Variants in TMC2 observed in about 807,000 individuals in gnomAD.
TMC2 encodes the protein transmembrane channel like 2.
In TMC2, 102 loss-of-function variants were observed where a neutral mutation model predicts 105.9. That is an observed-to-expected ratio of 0.96 (90% CI 0.82 to 1.14). The LOEUF is 1.14. Among genes scored for constraint, TMC2 ranks in the 50% most tolerant of loss-of-function variants. TMC2 has a pLI of 0.00. For missense variants in TMC2, 1,093 were observed against 1,134.3 expected (o/e 0.96, Z 0.52); for synonymous variants, 402 against 422.8 (o/e 0.95, Z 0.60).
intron 2 of TMC2, among the ~76,000 whole-genome samples, chr20:2,542,975 A>G (rs1034287385): frequency 2.6e-5 from 4 of 152,086 alleles, no homozygotes; most frequent in African/African-American, 4.8e-5. Context: ...GGTGGCACAC[A>G]CCTGTAATCC....
At chr20:2,536,966 G>T (rs1328024072) in intron 1 of TMC2, among the ~76,000 whole-genome samples, 1 of 152,172 alleles carries the variant, frequency 6.6e-6, no homozygotes, top group Non-Finnish European at 1.5e-5. Flanking sequence ...GCCTGCTGGG[G>T]CGTCTCAGCC....
At position 2,629,529 on chromosome 20, in the gene TMC2, T is replaced by TAAAAAAAAAAAA. The variant is rs56821075; in HGVS notation, c.2306+5140_2306+5151dup. On this transcript the variant is annotated intron_variant, in intron 17 of 19. Transcript: ENST00000358864. ...TCTAATTATTGATTTCTTACAGAAG[T>TAAAAAAAAAAAA]AAAAAAAAAAAAAAAAAAGTGACCT... Among the ~76,000 whole-genome samples the TAAAAAAAAAAAA allele has an allele frequency of 6.9e-5, 8 of 116,070 alleles. 1 individual carries two copies. The highest frequency in any genetic ancestry group is 1.0e-4 in the Non-Finnish European group (6 of 58,214). The allele number at this position is 116,070 out of a possible 152,430, so 76.1% of individuals were successfully genotyped here.
At chr20:2,563,846 C>T (rs1441189206) in intron 4 of TMC2, among the ~76,000 whole-genome samples, 1 of 152,172 alleles carries the variant, frequency 6.6e-6, no homozygotes, top group East Asian at 1.9e-4. Flanking sequence ...CCTGCCACAA[C>T]CTCTCCAGTG....
intron 17 of TMC2, among the ~76,000 whole-genome samples, chr20:2,624,811 G>T (rs2086552856): frequency 6.6e-6 from 1 of 152,132 alleles, no homozygotes; most frequent in African/African-American, 2.4e-5. Flanking sequence ...CTGAAAATTT[G>T]GGTGAGCCCT....
chr20:2,571,726 C>CAA lies in TMC2; in HGVS notation c.555-452_555-451insAA, dbSNP rs1312879566. 2.6e-5 allele frequency among the ~76,000 whole-genome samples: 4 copies of CAA among 152,310 alleles called. No individual in the cohort carries two copies. The East Asian group carries it at 7.7e-4, about 29-fold the overall frequency. ...TTTAAAATCAATAATCTTGGCCGGG[C>CAA]ATGGTGGTTCACACCTGTAATCCCA... On this transcript the variant is annotated intron_variant, in intron 4 of 19. Coordinates refer to ENST00000358864, the MANE Select transcript of TMC2 (RefSeq NM_080751.3).
chr20:2,584,933 C>A (rs1288045296), intron 7 of TMC2, among the ~76,000 whole-genome samples: 1 of 152,070 alleles, frequency 6.6e-6, no homozygotes, highest in East Asian at 1.9e-4. Flanking sequence ...ATTTCCATCG[C>A]CCCCTAAATT....
chr20:2,584,484 A>G (rs1227681709), intron 7 of TMC2, among the ~76,000 whole-genome samples: 2 of 151,796 alleles, frequency 1.3e-5, no homozygotes, highest in African/African-American at 4.8e-5. Context: ...GAATGAGCCT[A>G]CTTGCTCATC....
intron 6 of TMC2, among the ~76,000 whole-genome samples, chr20:2,579,469 T>C (rs750766695): frequency 6.6e-6 from 1 of 151,886 alleles, no homozygotes; most frequent in Non-Finnish European, 1.5e-5. Context: ...TTGCCCAGGC[T>C]GGAGTGCAGT....
At chr20:2,585,746 GTTTCTTACTACA>G (rs2086227477) in intron 7 of TMC2, among the ~76,000 whole-genome samples, 1 of 152,226 alleles carries the variant, frequency 6.6e-6, no homozygotes, top group Non-Finnish European at 1.5e-5. Context: ...AGAGACATCA[GTTTCTTACTACA>G]TGAGTTTTTC....
At chr20:2,562,611 C>G (rs1477465753) in intron 4 of TMC2, among the ~76,000 whole-genome samples, 7 of 152,216 alleles carry the variant, frequency 4.6e-5, no homozygotes, top group Non-Finnish European at 1.5e-5. Context: ...GGTTTCCATG[C>G]AAAAGGCTGA....
chr20:2,573,157 T>A (rs2086115298), intron 5 of TMC2, among the ~76,000 whole-genome samples: 1 of 152,164 alleles, frequency 6.6e-6, no homozygotes, highest in Admixed American at 6.5e-5. Context: ...TAAAAAAATG[T>A]CTTGGCTGTC....
intron 14 of TMC2, chr20:2,614,058 T>TG: frequency 6.6e-6 from 1 of 151,744 alleles, no homozygotes; most frequent in South Asian, 2.1e-4. Context: ...ACATTTTTTT[T>TG]CGTTCAGTCA....
intron 8 of TMC2, among the ~76,000 whole-genome samples, chr20:2,594,414 G>C (rs1351481675): frequency 6.6e-6 from 1 of 151,964 alleles, no homozygotes; most frequent in Non-Finnish European, 1.5e-5. Flanking sequence ...TTTTAGTAGA[G>C]ACAAGGTTTC....
intron 2 of TMC2, among the ~76,000 whole-genome samples, chr20:2,544,064 G>T: frequency 9.6e-6 from 1 of 104,160 alleles, no homozygotes; most frequent in African/African-American, 3.8e-5. Context: ...ACCATGCCTA[G>T]CTGATTTTTT....
chr20:2,586,345 T>C (rs2086232009), intron 7 of TMC2, among the ~76,000 whole-genome samples: 1 of 151,892 alleles, frequency 6.6e-6, no homozygotes, highest in Non-Finnish European at 1.5e-5. Context: ...AGGAGAAAAA[T>C]GGGAGGCACA....
chr20:2,606,833 T>C (rs987529112), intron 11 of TMC2, among the ~76,000 whole-genome samples: 1 of 150,924 alleles, frequency 6.6e-6, no homozygotes, highest in African/African-American at 2.4e-5. Context: ...TGTTTTGCAA[T>C]TGTGATTCTC....
At chr20:2,597,654 ATTTT>A (rs55869258) in intron 10 of TMC2, among the ~76,000 whole-genome samples, 30,318 of 145,156 alleles carry the variant, frequency 0.21, 3,191 homozygotes, top group South Asian at 0.3. Context: ...TGCCCAGCTA[ATTTT>A]TTTTTTTTTT....
chr20:2,539,476 T>G (rs1038555882), intron 2 of TMC2, among the ~76,000 whole-genome samples: 4 of 152,190 alleles, frequency 2.6e-5, no homozygotes, highest in African/African-American at 9.7e-5. Context: ...AACCATTGTA[T>G]TAGCTGACTG....
At position 2,612,280 on chromosome 20, in the gene TMC2, A is replaced by G; in HGVS notation, c.1683A>G (p.Arg561=). The G allele has an allele frequency of 1.9e-6, 3 of 1,612,516 alleles. No individual in the cohort carries two copies. The highest frequency in any genetic ancestry group is 2.5e-6 in the Non-Finnish European group (3 of 1,179,220). The stretch of plus-strand genomic sequence containing the variant: ...CTGGTTGGAACGAGAGTGTCCCCCG[A>G]CCACCCCTGCACCCTGCAGATGTGC... ...NSSGWNESVP[R]PPLHPADVPR... is the part of the protein sequence containing the mutation. The change falls in exon 13 of 20, where the codon CGA becomes CGG. Residue 561 remains arginine (R), a synonymous_variant. Coordinates refer to ENST00000358864, the MANE Select transcript of TMC2 (RefSeq NM_080751.3).
Sources: allele counts gnomAD v4.1 joint callset (sites outside exome capture counted in the v4.1 genomes callset), GRCh38; gene constraint gnomAD v4.1.1; transcripts MANE v1.5; gene names NCBI Gene and HGNC (gene_info 2026-07-23, HGNC 2026-07-21).